The following PIK3C2G variants were observed in gnomAD, a reference collection of about 807,000 sequenced individuals.
The protein encoded by PIK3C2G is phosphatidylinositol-4-phosphate 3-kinase catalytic subunit type 2 gamma.
PIK3C2G carries 168 observed loss-of-function variants against 181.1 expected under a neutral mutation model. That is an observed-to-expected ratio of 0.93 (90% CI 0.82 to 1.05). The LOEUF (loss-of-function observed/expected upper bound fraction) is 1.05. PIK3C2G is among the 50% of genes least tolerant of loss of function. PIK3C2G has a pLI of 0.00. For missense variants in PIK3C2G, 1,869 were observed against 1,732.8 expected (o/e 1.08, Z -1.40); for synonymous variants, 573 against 592.2 (o/e 0.97, Z 0.47).
chr12:18,724,893 A>G, the PIK3C2G span, among the ~76,000 whole-genome samples: 2 of 152,142 alleles, frequency 1.3e-5, no homozygotes. Context: ...ATAAAATAAA[A>G]TATACATTAT....
At chr12:18,286,521 G>A (rs558791641) in intron 2 of PIK3C2G, among the ~76,000 whole-genome samples, 2 of 152,056 alleles carry the variant, frequency 1.3e-5, no homozygotes, top group South Asian at 4.2e-4. Context: ...CATTATTTAT[G>A]GTGATATAAA....
chr12:18,376,401 T>C (rs760011795), intron 13 of PIK3C2G, among the ~76,000 whole-genome samples: 3 of 152,258 alleles, frequency 2.0e-5, no homozygotes, highest in Non-Finnish European at 2.9e-5. Context: ...TAAGAATGTT[T>C]ACCCAATTTC....
At chr12:18,699,713 A>T in the PIK3C2G span, 2 of 1,365,198 alleles carry the variant, frequency 1.5e-6, no homozygotes, top group South Asian at 2.4e-5. Flanking sequence ...CATTTTATAA[A>T]TATCATTGAG....
intron 1 of PIK3C2G, among the ~76,000 whole-genome samples, chr12:18,266,478 C>G (rs1366965201): frequency 6.6e-6 from 1 of 152,068 alleles, no homozygotes; most frequent in Non-Finnish European, 1.5e-5. Flanking sequence ...AATATATTTG[C>G]AATCATTATT....
chr12:18,604,475 T>C (rs2136559779), intron 30 of PIK3C2G, among the ~76,000 whole-genome samples: 1 of 152,282 alleles, frequency 6.6e-6, no homozygotes, highest in Middle Eastern at 3.4e-3. Flanking sequence ...CTGACAGCAC[T>C]AGACAGGTCA....
intron 25 of PIK3C2G, among the ~76,000 whole-genome samples, chr12:18,539,120 A>G (rs770920831): frequency 2.6e-5 from 4 of 151,938 alleles, no homozygotes; most frequent in Non-Finnish European, 4.4e-5. Context: ...TAATTCTACC[A>G]GATGTTGTTA....
chr12:18,433,064 CT>C (rs1946252879), intron 18 of PIK3C2G, among the ~76,000 whole-genome samples: 1 of 151,756 alleles, frequency 6.6e-6, no homozygotes, highest in Non-Finnish European at 1.5e-5. Flanking sequence ...ATTGTTGCCC[CT>C]AGTTGTTGGC....
intron 5 of PIK3C2G, among the ~76,000 whole-genome samples, chr12:18,295,148 A>G (rs1051875428): frequency 1.1e-4 from 17 of 150,766 alleles, no homozygotes; most frequent in African/African-American, 3.9e-4. Context: ...ACAAAATAAT[A>G]AATATTTATA....
chr12:18,525,453 T>C (rs1477109093), intron 24 of PIK3C2G, among the ~76,000 whole-genome samples: 1 of 152,178 alleles, frequency 6.6e-6, no homozygotes, highest in African/African-American at 2.4e-5. Context: ...TTAAGTTCTC[T>C]GAGTTTGAGG....
chr12:18,718,207 T>G, the PIK3C2G span, among the ~76,000 whole-genome samples: 4 of 152,190 alleles, frequency 2.6e-5, no homozygotes, highest in Non-Finnish European at 5.9e-5. Context: ...AACCACATTG[T>G]AAGTTGAGAA....
the PIK3C2G span, among the ~76,000 whole-genome samples, chr12:18,669,601 A>G: frequency 9.2e-5 from 14 of 152,084 alleles, no homozygotes; most frequent in Admixed American, 7.2e-4. Context: ...TGGCTTCCAG[A>G]CAGTTGCCTT....
chr12:18,600,649 T>C (rs1477223099), intron 30 of PIK3C2G, among the ~76,000 whole-genome samples: 1 of 151,982 alleles, frequency 6.6e-6, no homozygotes, highest in African/African-American at 2.4e-5. Flanking sequence ...AAGATGAAAT[T>C]ATAGTAACAG....
At chr12:18,412,598 T>C (rs745833691) in intron 16 of PIK3C2G, among the ~76,000 whole-genome samples, 10 of 152,098 alleles carry the variant, frequency 6.6e-5, no homozygotes, top group Non-Finnish European at 1.5e-4. Flanking sequence ...TTCAGAAATA[T>C]ATTATTTATG....
chr12:18,541,692 G>A (rs923234958), intron 25 of PIK3C2G, among the ~76,000 whole-genome samples: 3 of 151,874 alleles, frequency 2.0e-5, no homozygotes, highest in African/African-American at 4.8e-5. Context: ...TTCATTACCT[G>A]TATCTGTTCA....
At chr12:18,452,249 T>A (rs1187836110) in intron 18 of PIK3C2G, among the ~76,000 whole-genome samples, 1 of 152,050 alleles carries the variant, frequency 6.6e-6, no homozygotes, top group Non-Finnish European at 1.5e-5. Context: ...CAGTTTTAAA[T>A]TTGTTATTGG....
At chr12:18,413,382 A>G (rs1944982845) in intron 16 of PIK3C2G, among the ~76,000 whole-genome samples, 1 of 152,144 alleles carries the variant, frequency 6.6e-6, no homozygotes, top group Non-Finnish European at 1.5e-5. Context: ...ATAATGAACT[A>G]CCTTAAAGAA....
the PIK3C2G span, among the ~76,000 whole-genome samples, chr12:18,662,223 A>T: frequency 6.6e-6 from 1 of 152,122 alleles, no homozygotes; most frequent in Non-Finnish European, 1.5e-5. Flanking sequence ...TATGCTCATC[A>T]CCTGGCTGAT....
intron 31 of PIK3C2G, among the ~76,000 whole-genome samples, chr12:18,616,916 A>T (rs1375457351): frequency 3.9e-5 from 6 of 152,162 alleles, no homozygotes; most frequent in Non-Finnish European, 7.4e-5. Context: ...AGATTTAAAA[A>T]TTTTATTTTT....
At chr12:18,441,720 T>C (rs7953188) in intron 18 of PIK3C2G, among the ~76,000 whole-genome samples, 39,797 of 151,876 alleles carry the variant, frequency 0.26, 5,753 homozygotes, top group African/African-American at 0.36. Context: ...GAATCACTTA[T>C]AGTAATAGAG....
Sources: gnomAD v4.1 joint callset for allele counts (sites outside exome capture counted in the v4.1 genomes callset) on GRCh38, gnomAD v4.1.1 for gene constraint, MANE v1.5 for transcripts, NCBI Gene and HGNC (gene_info 2026-07-23, HGNC 2026-07-21) for gene names.